The following HM13 variants were observed in gnomAD, a reference collection of about 807,000 sequenced individuals.
HM13 encodes signal peptide peptidase.
HM13 carries 18 observed loss-of-function variants against 50.0 expected under a neutral mutation model. The ratio of observed to expected loss-of-function variants is 0.36; its 90% confidence interval spans 0.25 to 0.53. The LOEUF (loss-of-function observed/expected upper bound fraction) is 0.53, where lower values mean the gene tolerates loss of function less well. HM13 is among the 20% of genes least tolerant of loss of function. HM13 has a pLI of 0.90. For synonymous variants in HM13, 197 were observed against 232.6 expected, an observed-to-expected ratio of 0.85 and a Z score of 1.39; for missense variants, 393 against 552.4, an observed-to-expected ratio of 0.71 and a Z score of 2.89.
chr20:31,544,994 A>G lies in HM13; in HGVS notation c.413A>G (p.Tyr138Cys), dbSNP rs1424395240. The G allele has an allele frequency of 3.8e-5, 62 of 1,614,082 alleles. No individual in the cohort carries two copies. The highest frequency in any genetic ancestry group is 5.1e-5 in the Non-Finnish European group (60 of 1,180,024). Residue 138 changes from tyrosine (Y) to cysteine (C), a missense_variant, in exon 4 of 13, where the codon TAC becomes TGC. Tyr to Cys is a radical substitution (Grantham distance 194). Coordinates refer to ENST00000398174, the MANE Select transcript of HM13 (RefSeq NM_178581.3). ...FFPASFPNRQYQLLFTQGSGE... is the reference protein window; with the variant it reads ...FFPASFPNRQCQLLFTQGSGE... ...CCAGCCAGCTTTCCAAATCGACAGT[A>G]CCAGCTGCTCTTCACACAGGGTTCT... is the stretch of plus-strand genomic sequence containing the variant.
intron 8 of HM13, among the ~76,000 whole-genome samples, chr20:31,559,207 T>C (rs1042490776): frequency 6.6e-6 from 1 of 152,204 alleles, no homozygotes; most frequent in Non-Finnish European, 1.5e-5. Flanking sequence ...AGTCACAATC[T>C]CACAATGATT....
In HM13 at chr20:31,568,195, C is replaced by A; in HGVS notation, c.1152C>A (p.Arg384=). ...TGCAGCAGAAGCTAGCTGGCCCTCG[C>A]CGCCGGCGCCCGCAGAATCCCAGCG... ...DSMQQKLAGP[R]RRRPQNPSAI... is the part of the protein sequence containing the mutation. The change falls in exon 12 of 13, where the codon CGC becomes CGA. Residue 384 remains arginine, a synonymous_variant. Coordinates refer to ENST00000398174, the MANE Select transcript of HM13 (RefSeq NM_178581.3). 6.2e-7 allele frequency: 1 copy of A among 1,612,930 alleles called. No individual in the cohort carries two copies.
chr20:31,568,005 G>A, intron 11 of HM13, 73 bp from the exon 12 acceptor site: 3 of 1,322,382 alleles, frequency 2.3e-6, no homozygotes, highest in Non-Finnish European at 3.1e-6. Flanking sequence ...TCCTTGGAAA[G>A]GAAGTCTCTG....
chr20:31,548,193 C>G, intron 4 of HM13: 1 of 679,538 alleles, frequency 1.5e-6, no homozygotes, highest in Non-Finnish European at 2.6e-6. Flanking sequence ...GAAAACAAAT[C>G]AGGGTGCTCT....
intron 7 of HM13, 120 bp downstream of exon 7, chr20:31,550,241 G>C (rs1300785057): frequency 3.9e-6 from 3 of 760,630 alleles, no homozygotes; most frequent in Admixed American, 1.9e-5. Context: ...TCCTCCTGTG[G>C]CTCCCCAGCC....
chr20:31,540,042 C>T (rs1983347805), intron 3 of HM13: 1 of 152,292 alleles, frequency 6.6e-6, no homozygotes, highest in Admixed American at 6.5e-5. Flanking sequence ...TGTAACATCC[C>T]TAGAGCACAG....
chr20:31,532,152 C>T (rs865829714), intron 2 of HM13, among the ~76,000 whole-genome samples: 2 of 151,294 alleles, frequency 1.3e-5, no homozygotes, highest in African/African-American at 2.4e-5. Context: ...TTAGGCCGGG[C>T]GCGGTGGCTC....
chr20:31,531,152 C>A (rs1982792646), intron 2 of HM13, among the ~76,000 whole-genome samples: 1 of 151,962 alleles, frequency 6.6e-6, no homozygotes, highest in Admixed American at 6.6e-5. Context: ...TCAAACGATT[C>A]TCCTGCCTCA....
chr20:31,547,689 T>C (rs1041541486), intron 4 of HM13: 1 of 1,376,928 alleles, frequency 7.3e-7, no homozygotes, highest in Non-Finnish European at 1.0e-6. Flanking sequence ...CAGAAATCCT[T>C]ACCGTAAGTG....
chr20:31,525,349 C>A (rs1038382684), intron 1 of HM13, among the ~76,000 whole-genome samples: 1 of 152,218 alleles, frequency 6.6e-6, no homozygotes, highest in Non-Finnish European at 1.5e-5. Context: ...CTTACCTTCT[C>A]CAGACACCCT....
intron 3 of HM13, among the ~76,000 whole-genome samples, chr20:31,544,504 A>G (rs1983608745): frequency 6.6e-6 from 1 of 152,066 alleles, no homozygotes; most frequent in Non-Finnish European, 1.5e-5. Flanking sequence ...CAAGTCATGG[A>G]GTGGGGTGGG....
chr20:31,568,100 C>G lies in HM13; in HGVS notation c.1057C>G (p.Leu353Val). 1 of 1,611,994 alleles carries G rather than the reference C, an allele frequency of 6.2e-7. No individual in the cohort carries two copies. Among genetic ancestry groups the G allele is most frequent in the Non-Finnish European group, 8.5e-7 (1 of 1,179,188 alleles). ...CAGCTACGAGTCCTCGGCGGAAATC[C>G]TGCCTCATACCCCGAGGCTCACCCA... The part of the protein sequence containing the change: ...MFSYESSAEI[L>V]PHTPRLTHFP... Residue 353 changes from leucine to valine, a missense_variant, in exon 12 of 13, where the codon CTG becomes GTG. By Grantham distance (32) the Leu-to-Val change is conservative (BLOSUM62 1). Around this residue, in one of 3 missense-constraint regions of HM13, gnomAD observed 105 missense variants for 115.9 expected, o/e 0.91. Transcript: ENST00000398174.
chr20:31,523,131 G>A (rs1982277012), intron 1 of HM13, among the ~76,000 whole-genome samples: 1 of 151,060 alleles, frequency 6.6e-6, no homozygotes, highest in East Asian at 1.9e-4. Context: ...ACTCACTACG[G>A]CCTCCACCTC....
chr20:31,561,561 C>T, intron 9 of HM13, 73 bp from the exon 10 acceptor site: 1 of 1,045,998 alleles, frequency 9.6e-7, no homozygotes, highest in Non-Finnish European at 1.5e-6. Flanking sequence ...TTCCCCAGCT[C>T]CCTCAGAAGG....
intron 10 of HM13, among the ~76,000 whole-genome samples, chr20:31,565,157 C>T (rs1485290176): frequency 8.6e-5 from 12 of 139,836 alleles, no homozygotes; most frequent in African/African-American, 2.7e-4. Context: ...CAGAGCCAGA[C>T]TCCATCTCAA....
intron 8 of HM13, among the ~76,000 whole-genome samples, 157 bp downstream of exon 8, chr20:31,554,986 C>T (rs985454634): frequency 1.5e-4 from 23 of 152,196 alleles, no homozygotes; most frequent in African/African-American, 4.6e-4. Context: ...CCTTAACATC[C>T]GTTTACGGAG....
At chr20:31,521,935 C>G (rs561482300) in intron 1 of HM13, among the ~76,000 whole-genome samples, 44 of 147,466 alleles carry the variant, frequency 3.0e-4, no homozygotes, top group Non-Finnish European at 4.5e-5. Flanking sequence ...CTCAACCGAT[C>G]TGCCCACCTT....
rs1985019876 is a variant in HM13 at position 31,567,992 on chromosome 20, T to C, written c.1035-86T>C. On this transcript the variant is annotated intron_variant, in intron 11 of 12. Coordinates refer to ENST00000398174, the MANE Select transcript of HM13 (RefSeq NM_178581.3). Reference sequence around the variant, plus strand: ...GTAAAAACAAGACAGTTCTGCTCTCTGCTCCTTGGAAAGGAAGTCTCTGTC... The same window carrying C: ...GTAAAAACAAGACAGTTCTGCTCTCCGCTCCTTGGAAAGGAAGTCTCTGTC... The C allele has an allele frequency of 2.5e-6, 3 of 1,208,366 alleles. No individual in the cohort carries two copies. In the African/African-American group the frequency reaches 4.6e-5, roughly 19 times the overall value. 74.9% of individuals were successfully genotyped at this position (1,208,366 alleles called of 1,614,324 possible).
intron 7 of HM13, 89 bp downstream of exon 7, chr20:31,550,210 A>AT: frequency 1.1e-6 from 1 of 923,140 alleles, no homozygotes; most frequent in Non-Finnish European, 1.8e-6. Flanking sequence ...GCATCTCCCT[A>AT]TCTCTTCCCC....
Sources: gnomAD v4.1 joint callset for allele counts (sites outside exome capture counted in the v4.1 genomes callset) on GRCh38, gnomAD v4.1.1 for gene constraint, gnomAD v4.1.1 regional missense constraint, MANE v1.5 for transcripts, NCBI Gene and HGNC (gene_info 2026-07-23, HGNC 2026-07-21) for gene names.